WDFY2: variants seen among roughly 807,000 people sequenced by gnomAD.
WDFY2 encodes the protein WD repeat and FYVE domain-containing protein 2.
In WDFY2, 36 loss-of-function variants were observed where a neutral mutation model predicts 56.4. The observed-to-expected ratio is 0.64, with a 90% CI of 0.49 to 0.84. The LOEUF is 0.84. WDFY2 is among the 40% of genes least tolerant of loss of function. The pLI is 0.00. For synonymous variants in WDFY2, 176 were observed against 183.7 expected, an observed-to-expected ratio of 0.96 and a Z score of 0.34; for missense variants, 444 against 512.2, an observed-to-expected ratio of 0.87 and a Z score of 1.29.
At chr13:51,683,793 G>A (rs917169982) in intron 3 of WDFY2, among the ~76,000 whole-genome samples, 6 of 152,180 alleles carry the variant, frequency 3.9e-5, no homozygotes, top group African/African-American at 1.4e-4. Flanking sequence ...TTAGCAGAGA[G>A]GGGAGTGGTA....
chr13:51,678,097 G>C (rs532371788), intron 3 of WDFY2, among the ~76,000 whole-genome samples: 10 of 152,230 alleles, frequency 6.6e-5, no homozygotes, highest in African/African-American at 2.4e-4. Flanking sequence ...TCATTAAAAT[G>C]TTATCTTTTT....
intron 1 of WDFY2, among the ~76,000 whole-genome samples, chr13:51,652,626 C>T (rs1955416494): frequency 6.6e-6 from 1 of 152,136 alleles, no homozygotes; most frequent in Non-Finnish European, 1.5e-5. Context: ...TCAGCATTTG[C>T]TTGTCTGTAA....
At chr13:51,758,136 C>G (rs1257229969) in intron 10 of WDFY2, 56 bp from the exon 11 acceptor site, 1 of 1,404,588 alleles carries the variant, frequency 7.1e-7, no homozygotes. Flanking sequence ...TCCTAGATCT[C>G]TCTCATTCAT....
intron 1 of WDFY2, among the ~76,000 whole-genome samples, chr13:51,597,174 T>C (rs529081683): frequency 3.3e-5 from 5 of 152,360 alleles, no homozygotes; most frequent in Non-Finnish European, 5.9e-5. Context: ...ATTGTCAGAA[T>C]TGAACCCAGA....
chr13:51,743,978 G>T (rs138202612), intron 7 of WDFY2, among the ~76,000 whole-genome samples: 1 of 152,208 alleles, frequency 6.6e-6, no homozygotes, highest in Non-Finnish European at 1.5e-5. Flanking sequence ...GCAGAACATC[G>T]CTGGTGCTCA....
At chr13:51,648,009 C>G (rs919290397) in intron 1 of WDFY2, among the ~76,000 whole-genome samples, 2 of 152,096 alleles carry the variant, frequency 1.3e-5, no homozygotes, top group Non-Finnish European at 1.5e-5. Flanking sequence ...GCATATGATT[C>G]CCTGCTTAGT....
At chr13:51,709,599 G>T (rs1952163595) in intron 4 of WDFY2, among the ~76,000 whole-genome samples, 2 of 151,774 alleles carry the variant, frequency 1.3e-5, no homozygotes, top group Non-Finnish European at 2.9e-5. Flanking sequence ...ATGATAAAGG[G>T]GATATCACCA....
intron 1 of WDFY2, among the ~76,000 whole-genome samples, chr13:51,621,642 A>G (rs1018917415): frequency 6.6e-5 from 10 of 152,204 alleles, no homozygotes; most frequent in Non-Finnish European, 1.0e-4. Context: ...TCCTAAACAG[A>G]GTTGCAAATA....
chr13:51,638,207 T>A (rs1955088679), intron 1 of WDFY2, among the ~76,000 whole-genome samples: 1 of 152,052 alleles, frequency 6.6e-6, no homozygotes, highest in Non-Finnish European at 1.5e-5. Context: ...CATAATTAGA[T>A]TTGGATTTTA....
rs573906469 is a variant in WDFY2 at position 51,761,677 on chromosome 13, T to A, written c.*1908T>A. On this transcript the variant is annotated 3_prime_UTR_variant, in exon 12 of 12. Transcript: ENST00000298125. ...CATTACTTCTCTAACTAGGGGGAAG[T>A]ACTACAAGCTGTCCTCAGGTACTGC... 1.6e-3 allele frequency: 247 copies of A among 152,342 alleles called. No homozygotes were observed. Among genetic ancestry groups the A allele is most frequent in the African/African-American group, 5.4e-3 (224 of 41,572 alleles). 9.4% of individuals were successfully genotyped at this position (152,342 alleles called of 1,614,324 possible). A position where few individuals can be genotyped will look rare whatever the true frequency, so the allele number is the denominator to read the frequency against.
In WDFY2 at chr13:51,691,459, T is replaced by C. The variant is rs548804763; in HGVS notation, c.280-12137T>C. ...CACCATTTATCAAATAGGGAATCCT[T>C]TCCCCATTGCTTGTTTTTCTCAGGT... is the stretch of plus-strand genomic sequence containing the variant. On this transcript the variant is annotated intron_variant, in intron 3 of 11. Coordinates refer to ENST00000298125, the MANE Select transcript of WDFY2 (RefSeq NM_052950.4). Among the ~76,000 whole-genome samples, 5 of 150,436 alleles carry C rather than the reference T, an allele frequency of 3.3e-5. No homozygotes were observed. In the East Asian group the frequency reaches 7.8e-4, roughly 23 times the overall value.
intron 3 of WDFY2, among the ~76,000 whole-genome samples, chr13:51,690,428 G>C (rs1385941540): frequency 2.0e-4 from 28 of 143,418 alleles, no homozygotes; most frequent in Non-Finnish European, 3.7e-4. Context: ...TCCCACCTAT[G>C]AGTGAGAATA....
At chr13:51,679,149 T>G (rs972898525) in intron 3 of WDFY2, among the ~76,000 whole-genome samples, 2 of 152,148 alleles carry the variant, frequency 1.3e-5, no homozygotes, top group Non-Finnish European at 2.9e-5. Flanking sequence ...GATCGTAACA[T>G]GGAAGATTCT....
chr13:51,629,079 G>C lies in WDFY2; in HGVS notation c.138-31517G>C, dbSNP rs554022972. 2.6e-5 allele frequency among the ~76,000 whole-genome samples: 4 copies of C among 152,300 alleles called. No homozygotes were observed. In the South Asian group the frequency reaches 8.3e-4, roughly 32 times the overall value. Reference sequence around the variant, plus strand: ...CCCAGAGTTTTAGTTTTAAGCTATGGAGAAGACAGTCTTGGAAAATGCCTA... The same window carrying C: ...CCCAGAGTTTTAGTTTTAAGCTATGCAGAAGACAGTCTTGGAAAATGCCTA... On this transcript the variant is annotated intron_variant, in intron 1 of 11. Coordinates refer to ENST00000298125, the MANE Select transcript of WDFY2 (RefSeq NM_052950.4).
intron 1 of WDFY2, among the ~76,000 whole-genome samples, chr13:51,646,142 C>T (rs1351479712): frequency 2.0e-5 from 3 of 152,304 alleles, no homozygotes; most frequent in African/African-American, 4.8e-5. Context: ...AGGGTAACCC[C>T]GCCTTTTCCA....
At chr13:51,755,998 C>T (rs879843594) in intron 9 of WDFY2, among the ~76,000 whole-genome samples, 12 of 151,858 alleles carry the variant, frequency 7.9e-5, no homozygotes, top group African/African-American at 2.2e-4. Flanking sequence ...TCTCCTGAGA[C>T]GGCAGTTTCT....
chr13:51,692,406 G>C (rs1208606766), intron 3 of WDFY2, among the ~76,000 whole-genome samples: 1 of 152,162 alleles, frequency 6.6e-6, no homozygotes, highest in Non-Finnish European at 1.5e-5. Flanking sequence ...AGCATGAAGG[G>C]CTGTTGAATT....
intron 1 of WDFY2, among the ~76,000 whole-genome samples, chr13:51,624,163 AT>A (rs1954795410): frequency 6.6e-6 from 1 of 152,222 alleles, no homozygotes; most frequent in Non-Finnish European, 1.5e-5. Context: ...GTTTGGACAG[AT>A]TACTGCTGGA....
chr13:51,717,291 T>G (rs538815042), intron 4 of WDFY2, among the ~76,000 whole-genome samples: 169 of 144,898 alleles, frequency 1.2e-3, no homozygotes, highest in African/African-American at 1.3e-3. Flanking sequence ...AGTTTTGGGG[T>G]TTTTTTTGTT....
Sources: allele counts gnomAD v4.1 joint callset (sites outside exome capture counted in the v4.1 genomes callset), GRCh38; gene constraint gnomAD v4.1.1; transcripts MANE v1.5; gene names NCBI Gene and HGNC (gene_info 2026-07-23, HGNC 2026-07-21).